Variants in PLOD2 observed in about 807,000 individuals in gnomAD.
PLOD2 encodes the protein lysine hydroxylase 2.
In PLOD2, 65 loss-of-function variants were observed where a neutral mutation model predicts 101.0. The observed-to-expected ratio is 0.64, with a 90% CI of 0.53 to 0.79. The LOEUF (loss-of-function observed/expected upper bound fraction) is 0.79. Ranked by LOEUF, PLOD2 falls within the 30% of genes least tolerant of loss-of-function variation. The probability of loss-of-function intolerance (pLI) is 0.00; values close to 1 mark genes in which losing one functional copy is unlikely to be tolerated. For synonymous variants in PLOD2, 314 were observed against 302.9 expected (o/e 1.04, Z -0.38); for missense variants, 909 against 914.6 (o/e 0.99, Z 0.08).
In PLOD2 at chr3:146,070,581, A is replaced by G; in HGVS notation, c.*136T>C. The G allele has an allele frequency of 1.7e-6, 1 of 585,402 alleles. No homozygotes were observed. Among genetic ancestry groups the G allele is most frequent in the Non-Finnish European group, 3.0e-6 (1 of 332,492 alleles). 36.3% of individuals were successfully genotyped at this position (585,402 alleles called of 1,614,324 possible). A position where few individuals can be genotyped will look rare whatever the true frequency, so the allele number is the denominator to read the frequency against. The stretch of plus-strand genomic sequence containing the variant: ...CAATTTTTTATAAAAAGTTTTTCAA[A>G]TGTTTGGCCCAAAGTGAAGTTGTTC... On this transcript the variant is annotated 3_prime_UTR_variant, in exon 20 of 20. Coordinates refer to ENST00000282903, the MANE Select transcript of PLOD2 (RefSeq NM_182943.3).
intron 1 of PLOD2, among the ~76,000 whole-genome samples, chr3:146,143,984 T>C (rs959547594): frequency 2.0e-5 from 3 of 151,980 alleles, no homozygotes; most frequent in African/African-American, 7.2e-5. Flanking sequence ...TGCAGACACA[T>C]CAAACACATC....
chr3:146,079,043 A>G (rs1936438188), intron 13 of PLOD2, 73 bp downstream of exon 13: 1 of 1,478,376 alleles, frequency 6.8e-7, no homozygotes, highest in South Asian at 1.1e-5. Context: ...GCATCAAAAC[A>G]CAGTGACACA....
intron 18 of PLOD2, 24 bp from the exon 19 acceptor site, chr3:146,071,191 G>A (rs1186070008): frequency 6.2e-7 from 1 of 1,610,666 alleles, no homozygotes; most frequent in Non-Finnish European, 8.5e-7. Context: ...GTAAGCCAGT[G>A]GATTTGCTTA....
rs1305056613 is a variant in PLOD2 at position 146,097,192 on chromosome 3, G to A, written c.778-5291C>T. ...GAGGGAGGTGGGGGGTCAGCCCCCC[G>A]CCCGGCCAGCCGCCCCATCCGGGAG... On this transcript the variant is annotated intron_variant, in intron 7 of 19. Transcript: ENST00000282903. Among the ~76,000 whole-genome samples the A allele has an allele frequency of 4.8e-3, 726 of 150,148 alleles. 1 individual carries two copies. The highest frequency in any genetic ancestry group is 7.1e-3 in the Non-Finnish European group (475 of 67,156).
In PLOD2 at chr3:146,161,149, A is replaced by T. The variant is rs2032566451; in HGVS notation, c.-160T>A. 37 of 421,148 alleles carry T rather than the reference A, an allele frequency of 8.8e-5. No homozygotes were observed. The East Asian group carries it at 1.4e-3, about 16-fold the overall frequency. 26.1% of individuals were successfully genotyped at this position (421,148 alleles called of 1,614,324 possible). A position where few individuals can be genotyped will look rare whatever the true frequency, so the allele number is the denominator to read the frequency against. Reference sequence around the variant, plus strand: ...CGGCAGCCGGAGCGGCGCGTAACGCAGCTGAGTGAGGTCGTCGGTGGAGGC... The same window carrying T: ...CGGCAGCCGGAGCGGCGCGTAACGCTGCTGAGTGAGGTCGTCGGTGGAGGC... On this transcript the variant is annotated 5_prime_UTR_variant, in exon 1 of 20. Coordinates refer to ENST00000282903, the MANE Select transcript of PLOD2 (RefSeq NM_182943.3).
At position 146,155,970 on chromosome 3, in the gene PLOD2, C is replaced by T. The variant is rs146475664; in HGVS notation, c.109+4911G>A. On this transcript the variant is annotated intron_variant, in intron 1 of 19. Transcript: ENST00000282903. ...CAAATTCATAACCAGGTTTCTAGAA[C>T]AAATTTCTAGAATATACTCAAGCTC... is the stretch of plus-strand genomic sequence containing the variant. Among the ~76,000 whole-genome samples the T allele has an allele frequency of 3.6e-3, 553 of 152,234 alleles. 3 individuals are homozygous for T. The highest frequency in any genetic ancestry group is 0.012 in the African/African-American group (507 of 41,554).
intron 1 of PLOD2, among the ~76,000 whole-genome samples, chr3:146,128,372 CTA>C (rs1321492248): frequency 6.6e-6 from 1 of 152,104 alleles, no homozygotes; most frequent in Non-Finnish European, 1.5e-5. Flanking sequence ...AATGTAACCT[CTA>C]TTGCCACCTT....
chr3:146,133,944 T>C (rs1036683518), intron 1 of PLOD2, among the ~76,000 whole-genome samples: 5 of 152,216 alleles, frequency 3.3e-5, no homozygotes, highest in Non-Finnish European at 5.9e-5. Flanking sequence ...TGGAAAATTA[T>C]AAGAGCTTGG....
In PLOD2 at chr3:146,124,092, T is replaced by G. The variant is rs761981520; in HGVS notation, c.201+46A>C. On this transcript the variant is annotated intron_variant, in intron 2 of 19. Transcript: ENST00000282903. Reference sequence around the variant, plus strand: ...TACTGCTGTTATGAAAAACATACTTTAGGCACACATTATAGGATCTTCATA... The same window carrying G: ...TACTGCTGTTATGAAAAACATACTTGAGGCACACATTATAGGATCTTCATA... 8.3e-6 allele frequency: 8 copies of G among 960,590 alleles called. No individual in the cohort carries two copies. In the East Asian group the frequency reaches 1.9e-4, roughly 23 times the overall value. The allele number at this position is 960,590 out of a possible 1,614,324, so 59.5% of individuals were successfully genotyped here.
At chr3:146,150,262 T>A (rs1289237851) in intron 1 of PLOD2, among the ~76,000 whole-genome samples, 1 of 152,170 alleles carries the variant, frequency 6.6e-6, no homozygotes, top group Non-Finnish European at 1.5e-5. Context: ...CAATCATATT[T>A]TAAAGATAAT....
intron 7 of PLOD2, among the ~76,000 whole-genome samples, chr3:146,097,170 G>T (rs1184687803): frequency 1.3e-5 from 2 of 150,988 alleles, no homozygotes; most frequent in Non-Finnish European, 3.0e-5. Context: ...AGTCCGGGAG[G>T]GAGGTGGGGG....
intron 7 of PLOD2, among the ~76,000 whole-genome samples, chr3:146,096,662 G>A (rs1937173656): frequency 7.9e-6 from 1 of 126,760 alleles, no homozygotes; most frequent in Non-Finnish European, 1.7e-5. Flanking sequence ...CGCCCCGTCT[G>A]AGAAGTGAGG....
chr3:146,080,866 C>G (rs953246550), intron 12 of PLOD2, among the ~76,000 whole-genome samples: 7 of 152,158 alleles, frequency 4.6e-5, no homozygotes, highest in African/African-American at 7.2e-5. Flanking sequence ...GTATTTACAT[C>G]ATTCAGATTG....
intron 1 of PLOD2, chr3:146,160,661 C>G: frequency 1.8e-6 from 1 of 549,566 alleles, no homozygotes; most frequent in East Asian, 3.1e-5. Flanking sequence ...GCTGAGTTCA[C>G]CGAGAACTCC....
chr3:146,080,648 A>C (rs1193364311), intron 12 of PLOD2, among the ~76,000 whole-genome samples: 4 of 152,064 alleles, frequency 2.6e-5, no homozygotes, highest in African/African-American at 9.7e-5. Context: ...TGGACAGAAA[A>C]TCACCAATGC....
At chr3:146,149,385 T>G (rs987033572) in intron 1 of PLOD2, among the ~76,000 whole-genome samples, 2 of 152,156 alleles carry the variant, frequency 1.3e-5, no homozygotes, top group Non-Finnish European at 1.5e-5. Context: ...TTATAGTTAT[T>G]TTTTAAGTTT....
intron 3 of PLOD2, among the ~76,000 whole-genome samples, chr3:146,118,057 G>C (rs1052726954): frequency 2.0e-5 from 3 of 152,120 alleles, no homozygotes; most frequent in African/African-American, 7.2e-5. Flanking sequence ...CTTACAAGGA[G>C]AATCTGCCTC....
At chr3:146,089,113 C>T (rs1237195478) in intron 8 of PLOD2, among the ~76,000 whole-genome samples, 2 of 151,476 alleles carry the variant, frequency 1.3e-5, no homozygotes, top group Non-Finnish European at 3.0e-5. Context: ...TTTGTTTCCT[C>T]GGCTTAAAGT....
rs148118826 is a variant in PLOD2, at chr3:146,106,560, G to A, written c.587C>T (p.Thr196Ile). The change falls in exon 5 of 20, where the codon ACT becomes ATT. Residue 196 changes from threonine to isoleucine, a missense_variant. Coordinates refer to ENST00000282903, the MANE Select transcript of PLOD2 (RefSeq NM_182943.3). The part of the protein sequence containing the change: ...QDNDDDQLFY[T>I]KVYIDPLKRE... Reference sequence around the variant, plus strand: ...TTTCAGTGGATCAATGTAAACTTTAGTGTAAAAGAGCTGATCATCATCATT... The same window carrying A: ...TTTCAGTGGATCAATGTAAACTTTAATGTAAAAGAGCTGATCATCATCATT... The A allele has an allele frequency of 1.3e-3, 2,043 of 1,569,684 alleles. No individual in the cohort carries two copies. The highest frequency in any genetic ancestry group is 1.7e-3 in the Non-Finnish European group (1,958 of 1,139,700).
Sources: allele counts gnomAD v4.1 joint callset (sites outside exome capture counted in the v4.1 genomes callset), GRCh38; gene constraint gnomAD v4.1.1; transcripts MANE v1.5; gene names NCBI Gene and HGNC (gene_info 2026-07-23, HGNC 2026-07-21).